The following KEL variants were observed in gnomAD, a reference collection of about 807,000 sequenced individuals.
KEL encodes the protein Kell metallo-endopeptidase (Kell blood group).
Under a neutral mutation model 99.5 loss-of-function variants are expected in KEL, and 96 were observed. That is an observed-to-expected ratio of 0.97 (90% confidence interval 0.82 to 1.14). The LOEUF is 1.14. Among genes scored for constraint, KEL ranks in the 50% most tolerant of loss-of-function variants. The probability of loss-of-function intolerance (pLI) is 0.00; values close to 1 mark genes in which losing one functional copy is unlikely to be tolerated. For synonymous variants in KEL, 355 were observed against 354.8 expected, an observed-to-expected ratio of 1.00 and a Z score of -0.01; for missense variants, 926 against 924.2, an observed-to-expected ratio of 1.00 and a Z score of -0.03.
At chr7:142,946,633 C>T (rs1336425090) in intron 10 of KEL, 1 of 420,948 alleles carries the variant, frequency 2.4e-6, no homozygotes, top group Non-Finnish European at 4.3e-6. Context: ...AGAACCCAAA[C>T]TCATACCTCG....
At chr7:142,947,005 A>C (rs954573083) in intron 10 of KEL, among the ~76,000 whole-genome samples, 1 of 152,218 alleles carries the variant, frequency 6.6e-6, no homozygotes. Flanking sequence ...GGCCATGGAC[A>C]AACATCCAAG....
intron 1 of KEL, 38 bp from the exon 2 acceptor site, chr7:142,961,910 G>C: frequency 3.1e-6 from 5 of 1,609,270 alleles, no homozygotes; most frequent in Non-Finnish European, 4.3e-6. Context: ...GAGAGAAGCT[G>C]GTTCAGGAAA....
chr7:142,941,809 C>CTT (rs1265633468), intron 18 of KEL, among the ~76,000 whole-genome samples: 6 of 137,730 alleles, frequency 4.4e-5, no homozygotes, highest in African/African-American at 8.0e-5. Context: ...CTGTCGCAGG[C>CTT]TTTTTTTTTT....
At position 142,953,954 on chromosome 7, in the gene KEL, T is replaced by C; in HGVS notation, c.927A>G (p.Glu309=). Residue 309 remains glutamate (E), a splice_region_variant and synonymous_variant, in exon 9 of 19, where the codon GAA becomes GAG. Transcript: ENST00000355265. The part of the protein sequence containing the change: ...FQMVTIDQLK[E]MAPAIDWLSC... ...ACAACCAGTCGATGGCGGGGGCCAT[T>C]TCCTTAGAGGAGGGACACAAAGCTG... The C allele has an allele frequency of 6.2e-7, 1 of 1,614,002 alleles. No homozygotes were observed. Among genetic ancestry groups the C allele is most frequent in the South Asian group, 1.1e-5 (1 of 91,074 alleles).
intron 6 of KEL, among the ~76,000 whole-genome samples, chr7:142,956,450 T>C (rs1448852334): frequency 1.3e-5 from 2 of 152,072 alleles, no homozygotes; most frequent in Non-Finnish European, 2.9e-5. Flanking sequence ...TTTTTTTTTT[T>C]CTATTATGTC....
intron 10 of KEL, among the ~76,000 whole-genome samples, chr7:142,947,132 T>C (rs1041677412): frequency 6.6e-6 from 1 of 152,050 alleles, no homozygotes; most frequent in African/African-American, 2.4e-5. Flanking sequence ...AACCCAGAGA[T>C]GACACGGTAA....
At chr7:142,959,884 T>C (rs568748183) in intron 4 of KEL, among the ~76,000 whole-genome samples, 4 of 152,098 alleles carry the variant, frequency 2.6e-5, no homozygotes, top group Non-Finnish European at 4.4e-5. Context: ...TCTTTCCCCA[T>C]CAAAAAAAGA....
In KEL at chr7:142,942,433, C is replaced by T. The variant is rs950747451; in HGVS notation, c.2037+1G>A. 2 of 1,582,734 alleles carry T rather than the reference C, an allele frequency of 1.3e-6. No individual in the cohort carries two copies. Among genetic ancestry groups the T allele is most frequent in the South Asian group, 2.3e-5 (2 of 87,304 alleles). On this transcript the variant is annotated splice_donor_variant, in intron 18 of 18. Coordinates refer to ENST00000355265, the MANE Select transcript of KEL (RefSeq NM_000420.3). LOFTEE classifies it high-confidence loss of function. ...TGTGGCGGGAGGTGGCCGCTGCCTACCTGGGCATAGCTTCGAAAGAAGATC... is the reference window on the plus strand; with the variant it reads ...TGTGGCGGGAGGTGGCCGCTGCCTATCTGGGCATAGCTTCGAAAGAAGATC...
At chr7:142,949,079 G>A (rs1252553236) in intron 10 of KEL, among the ~76,000 whole-genome samples, 5 of 152,166 alleles carry the variant, frequency 3.3e-5, no homozygotes, top group Non-Finnish European at 7.3e-5. Flanking sequence ...ACTGAATAGA[G>A]TATTAGCACT....
At chr7:142,945,814 G>C (rs1045772768) in intron 11 of KEL, among the ~76,000 whole-genome samples, 1 of 152,148 alleles carries the variant, frequency 6.6e-6, no homozygotes, top group Non-Finnish European at 1.5e-5. Context: ...TTTTAGTAGA[G>C]ATGGGGTTTC....
intron 7 of KEL, 43 bp downstream of exon 7, chr7:142,954,422 C>A: frequency 6.2e-7 from 1 of 1,612,080 alleles, no homozygotes; most frequent in Non-Finnish European, 8.5e-7. Context: ...CTGCTTTTCT[C>A]CTGGCCTCAG....
chr7:142,946,520 G>T lies in KEL; in HGVS notation c.1204-203C>A, dbSNP rs1796534802. ...AGCTTCCTCAGAGCTGGTCTCATGAGCCTGGCTGAGTAAATCCTTCATGTT... is the reference window on the plus strand; with the variant it reads ...AGCTTCCTCAGAGCTGGTCTCATGATCCTGGCTGAGTAAATCCTTCATGTT... On this transcript the variant is annotated intron_variant, in intron 10 of 18. Coordinates refer to ENST00000355265, the MANE Select transcript of KEL (RefSeq NM_000420.3). The T allele has an allele frequency of 2.5e-5, 15 of 611,622 alleles. 1 individual carries two copies. In the South Asian group the frequency reaches 2.9e-4, roughly 12 times the overall value. The allele number at this position is 611,622 out of a possible 1,614,324, so 37.9% of individuals were successfully genotyped here. A position where few individuals can be genotyped will look rare whatever the true frequency, so the allele number is the denominator to read the frequency against.
At chr7:142,943,725 G>A in intron 14 of KEL, 58 bp downstream of exon 14, 10 of 1,544,980 alleles carry the variant, frequency 6.5e-6, no homozygotes, top group Non-Finnish European at 8.9e-6. Flanking sequence ...TTCCTTTCCT[G>A]TGAATCATGG....
intron 10 of KEL, among the ~76,000 whole-genome samples, chr7:142,947,926 A>G (rs1267892279): frequency 6.6e-6 from 1 of 152,214 alleles, no homozygotes. Context: ...TCTGAAAGCA[A>G]TTATAGGCCA....
At chr7:142,943,923 T>A (rs751286943) in intron 13 of KEL, 40 bp from the exon 14 acceptor site, 3 of 1,517,064 alleles carry the variant, frequency 2.0e-6, no homozygotes, top group Non-Finnish European at 2.7e-6. Flanking sequence ...ACACAGAGAC[T>A]TCTATAGATG....
At chr7:142,957,576 G>A (rs1586269246) in intron 6 of KEL, among the ~76,000 whole-genome samples, 1 of 152,192 alleles carries the variant, frequency 6.6e-6, no homozygotes. Flanking sequence ...GGGGCTCTGA[G>A]ACTAATCCAG....
chr7:142,955,215 A>G (rs1796799336), intron 6 of KEL, among the ~76,000 whole-genome samples: 1 of 152,232 alleles, frequency 6.6e-6, no homozygotes, highest in East Asian at 1.9e-4. Context: ...TAACATTTTA[A>G]AAAATCAAAA....
rs1194364471 is a variant in KEL, at chr7:142,942,924, G to A, written c.1892C>T (p.Thr631Ile). Reference protein sequence around the residue: ...PSRTSFNDSLTFLENAADVGG... With the variant: ...PSRTSFNDSLIFLENAADVGG... ...AACGTCTGCAGCATTCTCTAAGAAT[G>A]TGAGGGAGTCATTGAAGGAGGTTCT... Residue 631 changes from threonine (T) to isoleucine (I), a missense_variant, in exon 17 of 19, where the codon ACA (threonine) becomes ATA (isoleucine). Transcript: ENST00000355265. 9.9e-6 allele frequency: 16 copies of A among 1,614,098 alleles called. No individual in the cohort carries two copies. Among genetic ancestry groups the A allele is most frequent in the Non-Finnish European group, 1.2e-5 (14 of 1,180,042 alleles).
chr7:142,961,910 G>T, intron 1 of KEL, 38 bp from the exon 2 acceptor site: 1 of 1,609,268 alleles, frequency 6.2e-7, no homozygotes, highest in Middle Eastern at 1.7e-4. Flanking sequence ...GAGAGAAGCT[G>T]GTTCAGGAAA....
Sources: allele counts gnomAD v4.1 joint callset (sites outside exome capture counted in the v4.1 genomes callset), GRCh38; gene constraint gnomAD v4.1.1; transcripts MANE v1.5; gene names NCBI Gene and HGNC (gene_info 2026-07-23, HGNC 2026-07-21).